RELCH: variants seen among roughly 807,000 people sequenced by gnomAD.
The protein encoded by RELCH is RAB11 binding and LisH domain, coiled-coil and HEAT repeat containing, also known as RAB11-binding protein RELCH.
In RELCH, 41 loss-of-function variants were observed where a neutral mutation model predicts 150.3. The ratio of observed to expected loss-of-function variants is 0.27; its 90% CI spans 0.21 to 0.35. The LOEUF is 0.35. RELCH is among the 10% of genes least tolerant of loss of function. The probability of loss-of-function intolerance (pLI) is 1.00; values close to 1 mark genes in which losing one functional copy is unlikely to be tolerated. For synonymous variants in RELCH, 478 were observed against 531.8 expected (o/e 0.90, Z 1.39); for missense variants, 1,092 against 1,467.8 (o/e 0.74, Z 4.18).
intron 1 of RELCH, among the ~76,000 whole-genome samples, chr18:62,201,228 C>T (rs1469764684): frequency 6.6e-6 from 1 of 152,082 alleles, no homozygotes; most frequent in Admixed American, 6.5e-5. Flanking sequence ...CTGCCTCGGC[C>T]TCCCAAAGTG....
intron 21 of RELCH, 43 bp downstream of exon 21, chr18:62,274,129 T>G: frequency 8.1e-7 from 1 of 1,240,214 alleles, no homozygotes; most frequent in Non-Finnish European, 1.2e-6. Context: ...GCATATAAAG[T>G]TTTTAGATTG....
chr18:62,189,828 ACTTT>A (rs1042804166), intron 1 of RELCH, among the ~76,000 whole-genome samples: 12 of 152,222 alleles, frequency 7.9e-5, no homozygotes, highest in African/African-American at 2.9e-4. Flanking sequence ...ACATTTTTAT[ACTTT>A]CTTGAAATAA....
chr18:62,300,696 A>C (rs1420539327), intron 28 of RELCH: 1 of 152,194 alleles, frequency 6.6e-6, no homozygotes, highest in East Asian at 1.9e-4. Context: ...CACGTATTTC[A>C]TCCCGAGAAA....
At position 62,190,296 on chromosome 18, in the gene RELCH, C is replaced by T. The variant is rs187859725; in HGVS notation, c.526+2265C>T. Among the ~76,000 whole-genome samples the T allele has an allele frequency of 1.6e-3, 236 of 152,162 alleles. 1 individual carries two copies. The highest frequency in any genetic ancestry group is 5.2e-3 in the African/African-American group (216 of 41,530). On this transcript the variant is annotated intron_variant, in intron 1 of 28. Coordinates refer to ENST00000644646, the MANE Select transcript of RELCH (RefSeq NM_001346231.2). ...CTACCACAATTAAAATACAGAACAT[C>T]GGCAGGGTGCAGTGGCTCACGCCCG...
Position 62,204,883 on chromosome 18 carries a change from C to G in RELCH, c.527-6270C>G, listed in dbSNP as rs2039682925. Among the ~76,000 whole-genome samples the G allele has an allele frequency of 2.0e-5, 3 of 152,108 alleles. 1 individual carries two copies. In the South Asian group the frequency reaches 6.2e-4, roughly 32 times the overall value. On this transcript the variant is annotated intron_variant, in intron 1 of 28. Transcript: ENST00000644646. ...TGTTTATTTAAGACAGTAAGAATAG[C>G]TATTTTCCAGGATTCAACCTTGATT...
At chr18:62,274,550 T>C (rs534061287) in intron 21 of RELCH, among the ~76,000 whole-genome samples, 1 of 152,348 alleles carries the variant, frequency 6.6e-6, no homozygotes, top group South Asian at 2.1e-4. Flanking sequence ...TAATACCACC[T>C]TTCATTTGCA....
chr18:62,304,195 G>T (rs1444969688), intron 28 of RELCH, among the ~76,000 whole-genome samples: 1 of 152,204 alleles, frequency 6.6e-6, no homozygotes, highest in Non-Finnish European at 1.5e-5. Context: ...CTCAGGAAAA[G>T]GGATGCGATT....
rs72949251 is a variant in RELCH at position 62,283,593 on chromosome 18, T to C, written c.3253+1149T>C. Reference sequence around the variant, plus strand: ...TGGACTGCAGTGTCCAAAAAATCGATTGAAGGCATGCACACTGATCAAACT... The same window carrying C: ...TGGACTGCAGTGTCCAAAAAATCGACTGAAGGCATGCACACTGATCAAACT... On this transcript the variant is annotated intron_variant, in intron 25 of 28. Coordinates refer to ENST00000644646, the MANE Select transcript of RELCH (RefSeq NM_001346231.2). 8.5e-3 allele frequency among the ~76,000 whole-genome samples: 1,290 copies of C among 152,312 alleles called. 10 individuals carry two copies. The highest frequency in any genetic ancestry group is 0.014 in the Non-Finnish European group (952 of 68,026).
Position 62,298,777 on chromosome 18 carries a change from T to A in RELCH, c.3460-13T>A. ...GTAAACTGTATTTCACTAAGGTAAA[T>A]TTTTTTAATCAGGTTATTTTAAGTT... On this transcript the variant is annotated splice_polypyrimidine_tract_variant and intron_variant, in intron 27 of 28. Coordinates refer to ENST00000644646, the MANE Select transcript of RELCH (RefSeq NM_001346231.2). The A allele has an allele frequency of 7.2e-7, 1 of 1,380,804 alleles. No homozygotes were observed. The highest frequency in any genetic ancestry group is 1.0e-6 in the Non-Finnish European group (1 of 974,562). The allele number at this position is 1,380,804 out of a possible 1,614,324, so 85.5% of individuals were successfully genotyped here. A position where few individuals can be genotyped will look rare whatever the true frequency, so the allele number is the denominator to read the frequency against.
chr18:62,267,947 A>G (rs1455034972), intron 19 of RELCH, among the ~76,000 whole-genome samples: 1 of 151,990 alleles, frequency 6.6e-6, no homozygotes, highest in Admixed American at 6.6e-5. Flanking sequence ...TCCCTCCCCA[A>G]AAAAGGTACT....
intron 5 of RELCH, among the ~76,000 whole-genome samples, chr18:62,224,725 T>A (rs9953811): frequency 6.6e-6 from 1 of 152,048 alleles, no homozygotes; most frequent in Non-Finnish European, 1.5e-5. Context: ...CTACTTAACA[T>A]TGAGATAAAT....
At chr18:62,292,488 T>C (rs1332607296) in intron 27 of RELCH, among the ~76,000 whole-genome samples, 2 of 152,198 alleles carry the variant, frequency 1.3e-5, no homozygotes, top group Non-Finnish European at 2.9e-5. Flanking sequence ...TCCATACTCA[T>C]CATCTAACTT....
chr18:62,255,520 T>C (rs780130961), intron 13 of RELCH, 42 bp downstream of exon 13: 4 of 1,438,104 alleles, frequency 2.8e-6, no homozygotes, highest in Non-Finnish European at 2.9e-6. Flanking sequence ...ATTTTTCCAA[T>C]AATAGAAAAA....
chr18:62,212,429 G>A lies in RELCH; in HGVS notation c.616+1187G>A, dbSNP rs139232942. On this transcript the variant is annotated intron_variant, in intron 2 of 28. Transcript: ENST00000644646. ...AAGGGATGCCACATGGGACACACAC[G>A]GTCTGTGAAAAAAATATGGGGTCAG... 9.2e-5 allele frequency among the ~76,000 whole-genome samples: 14 copies of A among 152,102 alleles called. No individual in the cohort carries two copies. The South Asian group carries it at 1.0e-3, about 11-fold the overall frequency.
At chr18:62,221,710 T>C (rs1369159437) in intron 5 of RELCH, among the ~76,000 whole-genome samples, 5 of 151,840 alleles carry the variant, frequency 3.3e-5, no homozygotes, top group Admixed American at 6.6e-5. Context: ...AGACTTTTCA[T>C]TCTTTCTAGA....
chr18:62,232,605 G>A (rs1444059314), intron 10 of RELCH, among the ~76,000 whole-genome samples, 178 bp downstream of exon 10: 3 of 152,020 alleles, frequency 2.0e-5, no homozygotes, highest in African/African-American at 7.2e-5. Context: ...TGTCAGGTGA[G>A]TTCAGTAAAA....
At chr18:62,259,490 G>A (rs961701524) in intron 15 of RELCH, among the ~76,000 whole-genome samples, 12 of 150,878 alleles carry the variant, frequency 8.0e-5, no homozygotes, top group African/African-American at 2.9e-4. Context: ...AAGAGGAAAT[G>A]TTAAAAAAAA....
Position 62,268,935 on chromosome 18 carries a change from C to G in RELCH, c.2747C>G (p.Thr916Arg), listed in dbSNP as rs772641767. Residue 916 changes from threonine to arginine, a missense_variant, in exon 20 of 29, where the codon ACG (threonine) becomes AGG (arginine). Around this residue, in one of 4 missense-constraint regions of RELCH, gnomAD observed 707 missense variants for 1,025.4 expected, o/e 0.69. Transcript: ENST00000644646. ...CCCATTTATGCAACAGGAGTCCTTA[C>G]GTGTTATATTCAGGTAAGGGAAAAA... ...TVPIYATGVL[T>R]CYIQEEDRKL... The G allele has an allele frequency of 6.5e-7, 1 of 1,532,518 alleles. No homozygotes were observed. The highest frequency in any genetic ancestry group is 1.9e-5 in the Admixed American group (1 of 53,048). The allele number at this position is 1,532,518 out of a possible 1,614,324, so 94.9% of individuals were successfully genotyped here.
chr18:62,261,794 C>A, intron 16 of RELCH, 136 bp downstream of exon 16: 1 of 672,246 alleles, frequency 1.5e-6, no homozygotes, highest in South Asian at 2.3e-5. Flanking sequence ...TGTGTAGAAT[C>A]TCATGGTCAT....
Sources: gnomAD v4.1 joint callset for allele counts (sites outside exome capture counted in the v4.1 genomes callset) on GRCh38, gnomAD v4.1.1 for gene constraint, gnomAD v4.1.1 regional missense constraint, MANE v1.5 for transcripts, NCBI Gene and HGNC (gene_info 2026-07-23, HGNC 2026-07-21) for gene names.